Variants in MSN observed in about 807,000 individuals in gnomAD.
MSN encodes epididymis luminal protein 70.
MSN carries 2 observed loss-of-function variants against 48.0 expected under a neutral mutation model. That is an observed-to-expected ratio of 0.04 (90% confidence interval 0.02 to 0.13). The LOEUF (loss-of-function observed/expected upper bound fraction) is 0.13, where lower values mean the gene tolerates loss of function less well. Ranked by LOEUF, MSN falls within the 10% of genes least tolerant of loss-of-function variation. The pLI is 1.00. For missense variants in MSN, 267 were observed against 470.1 expected (o/e 0.57, Z 3.99); for synonymous variants, 146 against 166.9 (o/e 0.87, Z 0.97).
At position 65,729,618 on chromosome X, in the gene MSN, C is replaced by T. The variant is rs768921044; in HGVS notation, c.373C>T (p.Leu125=). 2 of 1,211,970 alleles carry T rather than the reference C, an allele frequency of 1.7e-6. No homozygotes were observed. Among genetic ancestry groups the T allele is most frequent in the Non-Finnish European group, 2.2e-6 (2 of 895,562 alleles). Residue 125 remains leucine (L), a synonymous_variant, in exon 4 of 13, where the codon CTG becomes TTG. Transcript: ENST00000360270. ...IYCPPETAVL[L]ASYAVQSKYG... is the part of the protein sequence containing the mutation. ...CTGCCCGCCTGAGACCGCTGTGCTG[C>T]TGGCCTCGTATGCTGTCCAGTCTAA...
At chrX:65,651,433 A>C (rs187991931) in intron 1 of MSN, among the ~76,000 whole-genome samples, 1 of 109,570 alleles carries the variant, frequency 9.1e-6, no homozygotes, top group East Asian at 2.8e-4. Context: ...GTAAATACAC[A>C]GATAAAATAC....
At chrX:65,645,462 G>A (rs368659370) in intron 1 of MSN, among the ~76,000 whole-genome samples, 20 of 109,592 alleles carry the variant, frequency 1.8e-4, no homozygotes, top group African/African-American at 6.0e-4. Flanking sequence ...AAAGCATTGC[G>A]GGGGCACAGA....
chrX:65,609,167 G>A (rs1054376123), intron 1 of MSN, among the ~76,000 whole-genome samples: 1 of 106,479 alleles, frequency 9.4e-6, no homozygotes, highest in East Asian at 3.0e-4. Context: ...GAGTAGGGAA[G>A]GGAAGAGATT....
At chrX:65,635,834 G>A (rs1190628096) in intron 1 of MSN, among the ~76,000 whole-genome samples, 4 of 111,891 alleles carry the variant, frequency 3.6e-5, no homozygotes, top group Non-Finnish European at 7.5e-5. Flanking sequence ...AATAACATGT[G>A]CCTCAATTCC....
At chrX:65,593,274 C>G (rs1428232274) in intron 1 of MSN, 1 of 110,027 alleles carries the variant, frequency 9.1e-6, no homozygotes. Flanking sequence ...GGGACCATCT[C>G]AGGTATGACT....
chrX:65,684,026 C>T (rs1178170783), intron 1 of MSN, among the ~76,000 whole-genome samples: 4 of 105,632 alleles, frequency 3.8e-5, no homozygotes, highest in African/African-American at 1.0e-4. Context: ...CTGCAACCTC[C>T]GCCTCCCAGG....
intron 2 of MSN, among the ~76,000 whole-genome samples, chrX:65,718,722 C>T (rs1207431819): frequency 1.9e-5 from 2 of 107,222 alleles, no homozygotes; most frequent in Non-Finnish European, 3.8e-5. Flanking sequence ...GGAGATTGTG[C>T]CAGGAGGGTT....
chrX:65,651,689 G>A (rs1274557517), intron 1 of MSN, among the ~76,000 whole-genome samples: 1 of 107,437 alleles, frequency 9.3e-6, no homozygotes, highest in African/African-American at 3.4e-5. Flanking sequence ...CTGGGTTCAA[G>A]CGATTCTCCT....
chrX:65,661,211 G>A (rs376776480), intron 1 of MSN, among the ~76,000 whole-genome samples: 7 of 111,751 alleles, frequency 6.3e-5, no homozygotes, highest in Non-Finnish European at 9.4e-5. Flanking sequence ...TGATCCAACC[G>A]CCTCAGTCTC....
chrX:65,717,180 T>C (rs2071474713), intron 2 of MSN, among the ~76,000 whole-genome samples: 1 of 112,136 alleles, frequency 8.9e-6, no homozygotes, highest in South Asian at 3.7e-4. Flanking sequence ...AATCTTAGCA[T>C]ATGGAGCCTT....
chrX:65,695,480 G>C (rs893944731), intron 1 of MSN, among the ~76,000 whole-genome samples: 4 of 95,577 alleles, frequency 4.2e-5, no homozygotes, highest in Non-Finnish European at 6.2e-5. Context: ...TGCACTCCAG[G>C]CTGGGCTACA....
intron 12 of MSN, among the ~76,000 whole-genome samples, chrX:65,739,496 C>T (rs1249551144): frequency 8.9e-6 from 1 of 111,741 alleles, no homozygotes; most frequent in Non-Finnish European, 1.9e-5. Flanking sequence ...GTATGTTGTT[C>T]TACTCTTAAA....
At chrX:65,594,222 A>G (rs757082901) in intron 1 of MSN, among the ~76,000 whole-genome samples, 1 of 112,066 alleles carries the variant, frequency 8.9e-6, no homozygotes, top group Non-Finnish European at 1.9e-5. Context: ...TGAAGTTTAG[A>G]GAAGCGGGGG....
At chrX:65,675,747 C>T (rs2070991676) in intron 1 of MSN, among the ~76,000 whole-genome samples, 1 of 111,057 alleles carries the variant, frequency 9.0e-6, no homozygotes, top group Admixed American at 9.6e-5. Context: ...AAGCGATTCT[C>T]GTTCCTCAGC....
At chrX:65,662,549 T>C (rs768219403) in intron 1 of MSN, among the ~76,000 whole-genome samples, 1 of 112,476 alleles carries the variant, frequency 8.9e-6, no homozygotes, top group South Asian at 3.6e-4. Flanking sequence ...GAACTCCCTA[T>C]GTAATAAAAG....
chrX:65,629,325 T>C (rs1222586974), intron 1 of MSN, among the ~76,000 whole-genome samples: 4 of 111,698 alleles, frequency 3.6e-5, no homozygotes, highest in African/African-American at 1.3e-4. Flanking sequence ...TTCATATCAC[T>C]ATCAGCATTT....
chrX:65,709,837 A>AC (rs1347752318), intron 1 of MSN, among the ~76,000 whole-genome samples: 2 of 110,141 alleles, frequency 1.8e-5, no homozygotes, highest in East Asian at 2.9e-4. Context: ...CTGGAATCCC[A>AC]CCCCCCCTTA....
intron 2 of MSN, among the ~76,000 whole-genome samples, chrX:65,722,196 C>T (rs751151845): frequency 1.8e-5 from 2 of 111,931 alleles, no homozygotes; most frequent in Non-Finnish European, 3.8e-5. Context: ...ACAGAAACAG[C>T]AATAGTGGTA....
At position 65,670,426 on chromosome X, in the gene MSN, A is replaced by G. The variant is rs182690205; in HGVS notation, c.12+2573A>G. On this transcript the variant is annotated intron_variant, in intron 1 of 12. Coordinates refer to ENST00000360270, the MANE Select transcript of MSN (RefSeq NM_002444.3). The stretch of plus-strand genomic sequence containing the variant: ...TCCTAGTCAGCCCAACCTCCCCTAC[A>G]TTTGTTAAAACACGCCAGCCGGGCG... 4.6e-3 allele frequency among the ~76,000 whole-genome samples: 509 copies of G among 111,174 alleles called. 2 individuals carry two copies. Among genetic ancestry groups the G allele is most frequent in the African/African-American group, 0.014 (442 of 30,554 alleles).
Sources: allele counts gnomAD v4.1 joint callset (sites outside exome capture counted in the v4.1 genomes callset), GRCh38; gene constraint gnomAD v4.1.1; transcripts MANE v1.5; gene names NCBI Gene and HGNC (gene_info 2026-07-23, HGNC 2026-07-21).